PTPN13: variants seen among roughly 807,000 people sequenced by gnomAD.
PTPN13 encodes tyrosine-protein phosphatase non-receptor type 13.
A neutral mutation model predicts 284.0 loss-of-function variants in PTPN13; 191 were observed. That is an observed-to-expected ratio of 0.67 (90% CI 0.60 to 0.76). The LOEUF is 0.76. Among genes scored for constraint, PTPN13 ranks in the 30% least tolerant of loss-of-function variants. The pLI, the probability that PTPN13 is intolerant of heterozygous loss-of-function variation, is 0.00. For missense variants in PTPN13, 2,797 were observed against 2,939.9 expected (o/e 0.95, Z 1.12); for synonymous variants, 986 against 1,022.3 (o/e 0.96, Z 0.68).
rs147087231 is a variant in PTPN13 at position 86,657,310 on chromosome 4, G to A, written c.116-15055G>A. The stretch of plus-strand genomic sequence containing the variant: ...GAAATGTCTCTGCATTTTCTGCGTC[G>A]CTCACGCTGGGAGCTATAGACTGGA... On this transcript the variant is annotated intron_variant, in intron 2 of 47. Coordinates refer to ENST00000411767, the MANE Select transcript of PTPN13 (RefSeq NM_080683.3). Among the ~76,000 whole-genome samples the A allele has an allele frequency of 2.9e-3, 449 of 152,248 alleles. 1 individual carries two copies. The highest frequency in any genetic ancestry group is 9.8e-3 in the African/African-American group (408 of 41,552).
chr4:86,697,893 AG>A (rs1180362464), intron 6 of PTPN13, among the ~76,000 whole-genome samples: 1 of 140,500 alleles, frequency 7.1e-6, no homozygotes, highest in Non-Finnish European at 1.6e-5. Flanking sequence ...TTTACAAGGA[AG>A]TTTTTTCTAA....
At chr4:86,693,272 A>C (rs1332427050) in intron 5 of PTPN13, among the ~76,000 whole-genome samples, 1 of 152,194 alleles carries the variant, frequency 6.6e-6, no homozygotes. Flanking sequence ...GGAAAAAAGA[A>C]GACTTCAAGT....
intron 2 of PTPN13, chr4:86,661,047 T>TA: frequency 2.2e-6 from 1 of 445,644 alleles, no homozygotes; most frequent in Non-Finnish European, 4.5e-6. Context: ...TTCTTAATTG[T>TA]ACAGCCTGAT....
rs1384617119 is a variant in PTPN13, at chr4:86,805,377, C to T, written c.6745+8C>T. On this transcript the variant is annotated splice_region_variant and intron_variant, in intron 44 of 47. Coordinates refer to ENST00000411767, the MANE Select transcript of PTPN13 (RefSeq NM_080683.3). ...ATAAAAATATACTTCCCTGTAAGTT[C>T]CAGTTTGGCTTCAGATTTAATATGT... 10 of 1,540,214 alleles carry T rather than the reference C, an allele frequency of 6.5e-6. No individual in the cohort carries two copies. The South Asian group carries it at 9.4e-5, about 15-fold the overall frequency.
chr4:86,648,841 C>T (rs1457111545), intron 2 of PTPN13, among the ~76,000 whole-genome samples: 3 of 152,086 alleles, frequency 2.0e-5, no homozygotes, highest in Non-Finnish European at 4.4e-5. Context: ...ATTTACATTC[C>T]CACCAACAGT....
chr4:86,691,394 G>A (rs1232601523), intron 5 of PTPN13, among the ~76,000 whole-genome samples: 1 of 152,032 alleles, frequency 6.6e-6, no homozygotes, highest in Non-Finnish European at 1.5e-5. Context: ...TATTTAATGG[G>A]AGAGAAAAAT....
chr4:86,596,567 G>C (rs1397176758), intron 1 of PTPN13, among the ~76,000 whole-genome samples: 1 of 152,156 alleles, frequency 6.6e-6, no homozygotes, highest in Non-Finnish European at 1.5e-5. Context: ...ATTTGTTTTG[G>C]AGTAGATAAT....
chr4:86,675,749 T>C (rs1040207674), intron 3 of PTPN13, among the ~76,000 whole-genome samples: 2 of 152,200 alleles, frequency 1.3e-5, no homozygotes, highest in Non-Finnish European at 2.9e-5. Context: ...CTAAGCTTTT[T>C]ATCCTCTGGC....
chr4:86,771,040 C>A, intron 30 of PTPN13, 131 bp from the exon 31 acceptor site: 1 of 913,810 alleles, frequency 1.1e-6, no homozygotes, highest in Non-Finnish European at 1.6e-6. Context: ...CTCTATTGAA[C>A]ATAAATTACT....
chr4:86,771,137 T>G, intron 30 of PTPN13, 34 bp from the exon 31 acceptor site: 1 of 1,522,566 alleles, frequency 6.6e-7, no homozygotes, highest in Non-Finnish European at 8.8e-7. Flanking sequence ...ATTCATAGAA[T>G]GGTCACAAAT....
At chr4:86,619,567 A>T (rs1720981465) in intron 1 of PTPN13, among the ~76,000 whole-genome samples, 1 of 152,154 alleles carries the variant, frequency 6.6e-6, no homozygotes, top group Non-Finnish European at 1.5e-5. Flanking sequence ...GAGGGAGGGA[A>T]GAGTCCAGAT....
At chr4:86,752,954 G>A (rs1489687290) in intron 19 of PTPN13, 55 bp from the exon 20 acceptor site, 13 of 1,284,000 alleles carry the variant, frequency 1.0e-5, no homozygotes, top group East Asian at 4.7e-5. Flanking sequence ...AAATCACTTC[G>A]ATATCTAGCA....
intron 38 of PTPN13, 32 bp downstream of exon 38, chr4:86,784,590 T>A: frequency 7.2e-7 from 1 of 1,382,476 alleles, no homozygotes; most frequent in Non-Finnish European, 1.0e-6. Flanking sequence ...CTAATTACTC[T>A]AAATGCCCTA....
intron 14 of PTPN13, 89 bp downstream of exon 14, chr4:86,734,964 A>T: frequency 7.0e-7 from 1 of 1,424,598 alleles, no homozygotes; most frequent in Non-Finnish European, 9.4e-7. Context: ...CAGGTGTTTG[A>T]TGTTTAGATC....
intron 2 of PTPN13, among the ~76,000 whole-genome samples, chr4:86,651,231 T>C (rs1435555980): frequency 1.3e-5 from 2 of 152,214 alleles, no homozygotes; most frequent in Non-Finnish European, 2.9e-5. Flanking sequence ...GATTTGCCCA[T>C]GTTGAACTAT....
intron 36 of PTPN13, among the ~76,000 whole-genome samples, 176 bp from the exon 37 acceptor site, chr4:86,782,025 T>C (rs1741373496): frequency 6.6e-6 from 1 of 152,194 alleles, no homozygotes; most frequent in Non-Finnish European, 1.5e-5. Context: ...TATTAGAGGT[T>C]TGGAATCAAA....
Position 86,750,854 on chromosome 4 carries a change from C to T in PTPN13, c.3035C>T (p.Ala1012Val), listed in dbSNP as rs1253265596. The part of the protein sequence containing the change: ...KPSHQMSRSD[A>V]ESLAGVTKLN... ...TCTCACCAGATGTCAAGATCTGATG[C>T]AGAATCTTTGGCAGGAGTGACAAAA... Residue 1012 changes from alanine to valine, a missense_variant, in exon 18 of 48, where the codon GCA becomes GTA. Physicochemically the swap from Ala to Val is moderately conservative, Grantham distance 64 (BLOSUM62 0). Transcript: ENST00000411767. 3 of 1,613,568 alleles carry T rather than the reference C, an allele frequency of 1.9e-6. No homozygotes were observed. The East Asian group carries it at 6.7e-5, about 36-fold the overall frequency.
At position 86,762,821 on chromosome 4, in the gene PTPN13, G is replaced by A. The variant is rs1408406993; in HGVS notation, c.3648G>A (p.Lys1216=). The stretch of plus-strand genomic sequence containing the variant: ...ACAGTGCTATAGATTCTTCTTCCAA[G>A]GATCACCACTGGTCACGTGGTACCC... ...MQDSAIDSSS[K]DHHWSRGTLR... Residue 1216 remains lysine (K), a synonymous_variant, in exon 24 of 48, where the codon AAG becomes AAA. Transcript: ENST00000411767. 1.2e-6 allele frequency: 2 copies of A among 1,613,610 alleles called. No homozygotes were observed. Among genetic ancestry groups the A allele is most frequent in the Non-Finnish European group, 8.5e-7 (1 of 1,179,774 alleles).
At chr4:86,726,955 TA>T (rs1734335222) in intron 10 of PTPN13, among the ~76,000 whole-genome samples, 1 of 149,610 alleles carries the variant, frequency 6.7e-6, no homozygotes, top group Non-Finnish European at 1.5e-5. Flanking sequence ...GGGTTTGTCG[TA>T]AATAGCATTT....
Sources: gnomAD v4.1 joint callset for allele counts (sites outside exome capture counted in the v4.1 genomes callset) on GRCh38, gnomAD v4.1.1 for gene constraint, MANE v1.5 for transcripts, NCBI Gene and HGNC (gene_info 2026-07-23, HGNC 2026-07-21) for gene names.